Variants in GRIK2 observed in about 807,000 individuals in gnomAD.
GRIK2 encodes the protein glutamate ionotropic receptor kainate type subunit 2.
In GRIK2, 32 loss-of-function variants were observed where a neutral mutation model predicts 100.3. That is an observed-to-expected ratio of 0.32 (90% CI 0.24 to 0.43). The LOEUF is 0.43. Among genes scored for constraint, GRIK2 ranks in the 20% least tolerant of loss-of-function variants. The pLI, the probability that GRIK2 is intolerant of heterozygous loss-of-function variation, is 1.00. For synonymous variants in GRIK2, 417 were observed against 389.4 expected (o/e 1.07, Z -0.83); for missense variants, 843 against 1,114.9 (o/e 0.76, Z 3.47).
intron 2 of GRIK2, among the ~76,000 whole-genome samples, chr6:101,418,118 C>T (rs1776237063): frequency 6.6e-6 from 1 of 152,134 alleles, no homozygotes; most frequent in African/African-American, 2.4e-5. Flanking sequence ...CAGGCAGGCA[C>T]CTGTAATTAT....
chr6:101,683,220 G>C (rs1358614474), intron 6 of GRIK2, among the ~76,000 whole-genome samples: 1 of 151,388 alleles, frequency 6.6e-6, no homozygotes, highest in African/African-American at 2.4e-5. Flanking sequence ...AAAAAGAAAA[G>C]AATAAGACAA....
chr6:101,912,693 A>G (rs944924906), intron 12 of GRIK2, among the ~76,000 whole-genome samples: 1 of 151,542 alleles, frequency 6.6e-6, no homozygotes, highest in African/African-American at 2.4e-5. Context: ...TCCTTGTGTC[A>G]TTAAAAAATA....
intron 14 of GRIK2, among the ~76,000 whole-genome samples, chr6:102,031,752 T>G (rs1770013850): frequency 6.6e-6 from 1 of 151,348 alleles, no homozygotes; most frequent in Non-Finnish European, 1.5e-5. Flanking sequence ...TCACTTAGGA[T>G]AATGGCCTCC....
intron 14 of GRIK2, among the ~76,000 whole-genome samples, chr6:102,029,388 T>A (rs975300398): frequency 6.6e-6 from 1 of 151,328 alleles, no homozygotes; most frequent in Non-Finnish European, 1.5e-5. Flanking sequence ...TTTCCTTTCT[T>A]CTATGTCAAT....
At position 101,614,935 on chromosome 6, in the gene GRIK2, G is replaced by T. The variant is rs9498650; in HGVS notation, c.116-7014G>T. Among the ~76,000 whole-genome samples the T allele has an allele frequency of 1.9e-3, 295 of 151,756 alleles. 2 individuals carry two copies. The highest frequency in any genetic ancestry group is 7.0e-3 in the African/African-American group (292 of 41,486). On this transcript the variant is annotated intron_variant, in intron 2 of 16. Coordinates refer to ENST00000369134, the MANE Select transcript of GRIK2 (RefSeq NM_021956.5). Reference sequence around the variant, plus strand: ...AGTTACAATTGATTTAAAAGAGAAAGGCATTGACTAGGCTTTAGCAGTTGA... The same window carrying T: ...AGTTACAATTGATTTAAAAGAGAAATGCATTGACTAGGCTTTAGCAGTTGA...
At chr6:101,667,374 A>G (rs771505285) in intron 4 of GRIK2, among the ~76,000 whole-genome samples, 17 of 152,188 alleles carry the variant, frequency 1.1e-4, no homozygotes, top group Non-Finnish European at 2.1e-4. Flanking sequence ...GAGGTAAACT[A>G]GACTTCCAGG....
intron 7 of GRIK2, among the ~76,000 whole-genome samples, chr6:101,769,283 A>T (rs1027526203): frequency 2.0e-5 from 3 of 152,218 alleles, no homozygotes; most frequent in Admixed American, 2.0e-4. Context: ...GTATCTTTGT[A>T]GTAATTTTTC....
In GRIK2 at chr6:101,452,674, C is replaced by T. The variant is rs1361169; in HGVS notation, c.115+53282C>T. Reference sequence around the variant, plus strand: ...AAATTGAAGTGCCTTCAAGCAAAAACTAAATAATGCAAAGTCTGTTTTTAT... The same window carrying T: ...AAATTGAAGTGCCTTCAAGCAAAAATTAAATAATGCAAAGTCTGTTTTTAT... On this transcript the variant is annotated intron_variant, in intron 2 of 16. Transcript: ENST00000369134. Among the ~76,000 whole-genome samples the T allele has an allele frequency of 1.8e-3, 274 of 151,768 alleles. 4 individuals are homozygous for T. Among genetic ancestry groups the T allele is most frequent in the Admixed American group, 0.017 (260 of 15,192 alleles).
At chr6:101,636,051 C>T (rs370835009) in intron 4 of GRIK2, among the ~76,000 whole-genome samples, 152 of 152,164 alleles carry the variant, frequency 1.0e-3, no homozygotes, top group African/African-American at 3.6e-3. Context: ...CACATGCACA[C>T]GTATGTTTAT....
chr6:101,679,819 A>C (rs139430430), intron 5 of GRIK2, among the ~76,000 whole-genome samples: 2,902 of 152,182 alleles, frequency 0.019, 49 homozygotes, highest in Non-Finnish European at 0.025. Flanking sequence ...GGCTCACTGC[A>C]ACCTCTACCT....
At chr6:101,526,102 A>G (rs1348225531) in intron 2 of GRIK2, among the ~76,000 whole-genome samples, 2 of 152,158 alleles carry the variant, frequency 1.3e-5, no homozygotes, top group African/African-American at 4.8e-5. Flanking sequence ...ACTGAGACCA[A>G]CTGCTCTATC....
intron 2 of GRIK2, among the ~76,000 whole-genome samples, chr6:101,446,342 C>T (rs1770374185): frequency 6.6e-6 from 1 of 151,904 alleles, no homozygotes; most frequent in South Asian, 2.1e-4. Context: ...ATGAATTTTT[C>T]ATCCTTTTTA....
At chr6:101,858,517 G>A (rs918241467) in intron 10 of GRIK2, among the ~76,000 whole-genome samples, 1 of 150,160 alleles carries the variant, frequency 6.7e-6, no homozygotes, top group African/African-American at 2.5e-5. Flanking sequence ...CTCCTGAATA[G>A]CTGGGACTAC....
At chr6:101,406,567 T>C (rs1775602082) in intron 2 of GRIK2, among the ~76,000 whole-genome samples, 1 of 152,140 alleles carries the variant, frequency 6.6e-6, no homozygotes, top group Non-Finnish European at 1.5e-5. Context: ...GAACACATAG[T>C]CTCAAGACTG....
chr6:102,040,311 G>A (rs1335899988), intron 15 of GRIK2, among the ~76,000 whole-genome samples: 1 of 151,288 alleles, frequency 6.6e-6, no homozygotes, highest in Non-Finnish European at 1.5e-5. Context: ...ATTTTATTTA[G>A]TAATTGACTT....
chr6:101,437,689 A>G (rs1769809828), intron 2 of GRIK2, among the ~76,000 whole-genome samples: 2 of 152,130 alleles, frequency 1.3e-5, no homozygotes, highest in African/African-American at 4.8e-5. Flanking sequence ...TTATTTTCCC[A>G]AAGTGACCAT....
intron 11 of GRIK2, among the ~76,000 whole-genome samples, chr6:101,884,513 C>T (rs906082684): frequency 6.6e-6 from 1 of 152,010 alleles, no homozygotes; most frequent in African/African-American, 2.4e-5. Flanking sequence ...GTCATTGTGC[C>T]ATTCATGAAG....
chr6:101,828,442 T>A (rs73512788), intron 10 of GRIK2, among the ~76,000 whole-genome samples: 13,495 of 151,504 alleles, frequency 0.089, 1,618 homozygotes, highest in African/African-American at 0.28. Flanking sequence ...CAAAACTAAA[T>A]GGAGACCCAG....
intron 7 of GRIK2, among the ~76,000 whole-genome samples, chr6:101,755,190 G>A (rs1307572913): frequency 1.6e-5 from 2 of 123,304 alleles, no homozygotes; most frequent in Non-Finnish European, 3.3e-5. Flanking sequence ...TTTTTGAGAC[G>A]GAGTCTTGCT....
Sources: gnomAD v4.1 joint callset for allele counts (sites outside exome capture counted in the v4.1 genomes callset) on GRCh38, gnomAD v4.1.1 for gene constraint, MANE v1.5 for transcripts, NCBI Gene and HGNC (gene_info 2026-07-23, HGNC 2026-07-21) for gene names.